The following SLC5A5 variants were observed in gnomAD, a reference collection of about 807,000 sequenced individuals.
SLC5A5 encodes solute carrier family 5 member 5.
In SLC5A5, 56 loss-of-function variants were observed where a neutral mutation model predicts 68.6. The ratio of observed to expected loss-of-function variants is 0.82; its 90% CI spans 0.66 to 1.02. The LOEUF is 1.02. Ranked by LOEUF, SLC5A5 falls within the 50% of genes least tolerant of loss-of-function variation. The pLI is 0.00. For missense variants in SLC5A5, 807 were observed against 859.8 expected, an observed-to-expected ratio of 0.94 and a Z score of 0.77; for synonymous variants, 398 against 373.0, an observed-to-expected ratio of 1.07 and a Z score of -0.77.
rs1262404437 is a variant in SLC5A5 at position 17,893,712 on chromosome 19, G to A, written c.1768-1G>A. 6.2e-7 allele frequency: 1 copy of A among 1,613,700 alleles called. No individual in the cohort carries two copies. The highest frequency in any genetic ancestry group is 1.7e-5 in the Admixed American group (1 of 59,966). On this transcript the variant is annotated splice_acceptor_variant, in intron 14 of 14. Coordinates refer to ENST00000222248, the MANE Select transcript of SLC5A5 (RefSeq NM_000453.3). LOFTEE classifies it high-confidence loss of function. ...GGTCTCTTTTTCCCACTTTTCCCCA[G>A]GGTCCTGAAGAACTCCCCACTGGAA...
intron 5 of SLC5A5, 64 bp downstream of exon 5, chr19:17,876,170 C>CACCCAAAG: frequency 6.4e-7 from 1 of 1,564,800 alleles, no homozygotes; most frequent in Non-Finnish European, 8.8e-7. Context: ...TGGCTCATGC[C>CACCCAAAG]TGTAATCCCA....
intron 4 of SLC5A5, among the ~76,000 whole-genome samples, chr19:17,875,241 G>A (rs1003576254): frequency 4.6e-5 from 7 of 151,990 alleles, no homozygotes; most frequent in Non-Finnish European, 1.5e-5. Context: ...GCAGTGGCAC[G>A]CGCCTGTAAT....
chr19:17,873,489 G>T (rs868367228), intron 1 of SLC5A5, among the ~76,000 whole-genome samples: 1 of 150,082 alleles, frequency 6.7e-6, no homozygotes, highest in Non-Finnish European at 1.5e-5. Context: ...AGGGCGCAGT[G>T]GCTCACGCCT....
At position 17,887,420 on chromosome 19, in the gene SLC5A5, G is replaced by T. The variant is rs2029963539; in HGVS notation, c.1527-911G>T. 2.6e-5 allele frequency among the ~76,000 whole-genome samples: 4 copies of T among 151,828 alleles called. No homozygotes were observed. In the South Asian group the frequency reaches 8.3e-4, roughly 32 times the overall value. On this transcript the variant is annotated intron_variant, in intron 12 of 14. Coordinates refer to ENST00000222248, the MANE Select transcript of SLC5A5 (RefSeq NM_000453.3). ...AGGGATTCTCCCACCTCAGCCTCGTGAGTAGCTGTGACTACAGGTGCACAC... is the reference window on the plus strand; with the variant it reads ...AGGGATTCTCCCACCTCAGCCTCGTTAGTAGCTGTGACTACAGGTGCACAC...
chr19:17,874,406 A>C, intron 2 of SLC5A5, 88 bp from the exon 3 acceptor site: 1 of 1,340,426 alleles, frequency 7.5e-7, no homozygotes, highest in Non-Finnish European at 1.1e-6. Flanking sequence ...CCCCGCCCAT[A>C]TTCTGGGACC....
intron 10 of SLC5A5, among the ~76,000 whole-genome samples, chr19:17,882,714 C>T (rs986561381): frequency 2.6e-5 from 4 of 151,736 alleles, no homozygotes; most frequent in African/African-American, 4.8e-5. Flanking sequence ...GACGGAGTCT[C>T]GCTCTGTTGC....
Position 17,874,704 on chromosome 19 carries a change from A to G in SLC5A5, c.516A>G (p.Gly172=), listed in dbSNP as rs1461635213. Reference sequence around the variant, plus strand: ...TCTGGGCGTCGCTCCTGTCCACCGGAATTATCTGCACCTTCTACACGGCTG... The same window carrying G: ...TCTGGGCGTCGCTCCTGTCCACCGGGATTATCTGCACCTTCTACACGGCTG... The part of the protein sequence containing the change: ...LDIWASLLST[G]IICTFYTAVG... The change falls in exon 4 of 15, where the codon GGA becomes GGG. Residue 172 remains glycine (G), a synonymous_variant. Transcript: ENST00000222248. The G allele has an allele frequency of 4.3e-6, 7 of 1,613,992 alleles. No homozygotes were observed. Among genetic ancestry groups the G allele is most frequent in the Non-Finnish European group, 5.1e-6 (6 of 1,180,018 alleles).
chr19:17,885,103 C>T (rs923107025), intron 12 of SLC5A5, among the ~76,000 whole-genome samples: 2 of 150,926 alleles, frequency 1.3e-5, no homozygotes, highest in African/African-American at 4.9e-5. Context: ...ACCTCCTGGG[C>T]TCAAGGAATC....
intron 12 of SLC5A5, among the ~76,000 whole-genome samples, chr19:17,884,301 T>C (rs747642925): frequency 1.3e-5 from 2 of 152,032 alleles, no homozygotes; most frequent in South Asian, 4.1e-4. Flanking sequence ...AGTACTTTTT[T>C]TGTTTTGTTT....
At chr19:17,876,727 T>A (rs1167313927) in intron 5 of SLC5A5, among the ~76,000 whole-genome samples, 1 of 152,116 alleles carries the variant, frequency 6.6e-6, no homozygotes, top group Non-Finnish European at 1.5e-5. Context: ...CTGGGCATGC[T>A]GGCAGGCGCC....
At chr19:17,875,453 C>A (rs1442575660) in intron 4 of SLC5A5, among the ~76,000 whole-genome samples, 1 of 151,740 alleles carries the variant, frequency 6.6e-6, no homozygotes, top group Admixed American at 6.6e-5. Flanking sequence ...TATTCCAAAT[C>A]TTTTTCACTT....
intron 7 of SLC5A5, among the ~76,000 whole-genome samples, chr19:17,879,185 C>T (rs1297689468): frequency 3.3e-5 from 5 of 151,510 alleles, no homozygotes; most frequent in East Asian, 1.9e-4. Flanking sequence ...CCCAGCTACT[C>T]GGGAGGCTGA....
chr19:17,878,752 G>A (rs115312390), intron 7 of SLC5A5, among the ~76,000 whole-genome samples: 1,990 of 152,040 alleles, frequency 0.013, 42 homozygotes, highest in African/African-American at 0.044. Flanking sequence ...GAGACAGGCA[G>A]ATCACTTGAG....
At chr19:17,878,175 G>A in intron 7 of SLC5A5, 82 bp downstream of exon 7, 1 of 1,487,748 alleles carries the variant, frequency 6.7e-7, no homozygotes, top group Non-Finnish European at 9.2e-7. Context: ...ATTCCTAGCA[G>A]AGGGAATGGC....
intron 8 of SLC5A5, among the ~76,000 whole-genome samples, chr19:17,881,371 A>G (rs1397318755): frequency 1.3e-5 from 2 of 151,854 alleles, no homozygotes; most frequent in African/African-American, 2.4e-5. Context: ...GGTTCAAGCA[A>G]TTCTCCTGCC....
Position 17,872,104 on chromosome 19 carries a change from G to A in SLC5A5, c.-216G>A, listed in dbSNP as rs771849459. 85 of 575,260 alleles carry A rather than the reference G, an allele frequency of 1.5e-4. No individual in the cohort carries two copies. Among genetic ancestry groups the A allele is most frequent in the Non-Finnish European group, 2.1e-4 (69 of 323,990 alleles). The allele number at this position is 575,260 out of a possible 1,614,324, so 35.6% of individuals were successfully genotyped here. A position where few individuals can be genotyped will look rare whatever the true frequency, so the allele number is the denominator to read the frequency against. On this transcript the variant is annotated 5_prime_UTR_variant, in exon 1 of 15. Coordinates refer to ENST00000222248, the MANE Select transcript of SLC5A5 (RefSeq NM_000453.3). ...GGGCGGACGCAGAGACAGACAGCGGGGACAGGGAGGCCGACACGGACATCG... is the reference window on the plus strand; with the variant it reads ...GGGCGGACGCAGAGACAGACAGCGGAGACAGGGAGGCCGACACGGACATCG...
intron 7 of SLC5A5, among the ~76,000 whole-genome samples, chr19:17,879,904 A>T (rs1024102071): frequency 8.2e-5 from 12 of 146,194 alleles, no homozygotes; most frequent in African/African-American, 2.5e-4. Context: ...TCTTTACACA[A>T]TTTTTTTTTT....
chr19:17,881,092 C>A, intron 8 of SLC5A5, 139 bp downstream of exon 8: 1 of 734,606 alleles, frequency 1.4e-6, no homozygotes, highest in Non-Finnish European at 2.4e-6. Flanking sequence ...TAGAAGACAG[C>A]TCAGGTAGGC....
chr19:17,888,584 G>T (rs2030019895), intron 13 of SLC5A5, 129 bp downstream of exon 13: 2 of 628,334 alleles, frequency 3.2e-6, no homozygotes, highest in African/African-American at 2.0e-5. Flanking sequence ...GTACACATTT[G>T]TACCTTATTA....
Sources: gnomAD v4.1 joint callset for allele counts (sites outside exome capture counted in the v4.1 genomes callset) on GRCh38, gnomAD v4.1.1 for gene constraint, MANE v1.5 for transcripts, NCBI Gene and HGNC (gene_info 2026-07-23, HGNC 2026-07-21) for gene names.